VPS13D: variants seen among roughly 807,000 people sequenced by gnomAD.
VPS13D encodes intermembrane lipid transfer protein VPS13D.
In VPS13D, 187 loss-of-function variants were observed where a neutral mutation model predicts 461.9. That is an observed-to-expected ratio of 0.40 (90% CI 0.36 to 0.46). VPS13D has a LOEUF of 0.46. Among genes scored for constraint, VPS13D ranks in the 20% least tolerant of loss-of-function variants. The probability of loss-of-function intolerance (pLI) is 0.60; values close to 1 mark genes in which losing one functional copy is unlikely to be tolerated. For missense variants in VPS13D, 4,711 were observed against 5,364.9 expected, an observed-to-expected ratio of 0.88 and a Z score of 3.81; for synonymous variants, 1,951 against 1,986.3, an observed-to-expected ratio of 0.98 and a Z score of 0.47.
At position 12,509,809 on chromosome 1, in the gene VPS13D, A is replaced by T. The variant is rs571964644; in HGVS notation, c.*785A>T. 3 of 152,268 alleles carry T rather than the reference A, an allele frequency of 2.0e-5. No individual in the cohort carries two copies. The highest frequency in any genetic ancestry group is 4.4e-5 in the Non-Finnish European group (3 of 68,052). 9.4% of individuals were successfully genotyped at this position (152,268 alleles called of 1,614,324 possible). ...GGGGAAACCTGTGCTCCATTACCAC[A>T]TGGGTGCAAGTCAGCATTGTAAGTT... On this transcript the variant is annotated 3_prime_UTR_variant, in exon 70 of 70. Transcript: ENST00000620676.
chr1:12,308,857 G>A (rs1005881996), intron 27 of VPS13D, among the ~76,000 whole-genome samples: 1 of 151,908 alleles, frequency 6.6e-6, no homozygotes, highest in East Asian at 1.9e-4. Flanking sequence ...TTACCATGTT[G>A]TGGTCTTGAA....
chr1:12,446,491 ATCT>A (rs1433882706), intron 65 of VPS13D, among the ~76,000 whole-genome samples: 21 of 152,026 alleles, frequency 1.4e-4, no homozygotes, highest in African/African-American at 2.2e-4. Context: ...AACTTTCAAA[ATCT>A]TCTTTTTTTA....
At chr1:12,480,167 G>T (rs1164741615) in intron 67 of VPS13D, among the ~76,000 whole-genome samples, 1 of 152,218 alleles carries the variant, frequency 6.6e-6, no homozygotes, top group African/African-American at 2.4e-5. Context: ...CAAGTTCACA[G>T]TGTGCCAGTT....
Position 12,244,265 on chromosome 1 carries a change from C to G in VPS13D, c.195C>G (p.Thr65=). 6.2e-7 allele frequency: 1 copy of G among 1,612,760 alleles called. No individual in the cohort carries two copies. The highest frequency in any genetic ancestry group is 1.7e-4 in the Middle Eastern group (1 of 6,044). Residue 65 remains threonine (T), a synonymous_variant, in exon 4 of 70, where the codon ACC becomes ACG. Transcript: ENST00000620676. ...EVKAGFIGKV[T]LQIPFYRPHV... Reference sequence around the variant, plus strand: ...TTCCAGGCTTCATTGGGAAAGTAACCCTTCAGATTCCCTTTTATCGCCCCC... The same window carrying G: ...TTCCAGGCTTCATTGGGAAAGTAACGCTTCAGATTCCCTTTTATCGCCCCC...
intron 47 of VPS13D, among the ~76,000 whole-genome samples, chr1:12,354,615 C>A (rs1184345185): frequency 6.6e-6 from 1 of 152,164 alleles, no homozygotes; most frequent in East Asian, 1.9e-4. Context: ...TCAACAGAGC[C>A]TTTTTTCTTA....
At chr1:12,415,533 G>T (rs1302529491) in intron 64 of VPS13D, among the ~76,000 whole-genome samples, 2 of 151,278 alleles carry the variant, frequency 1.3e-5, no homozygotes, top group Admixed American at 1.3e-4. Context: ...TATTTACCAG[G>T]CATGGGCCTT....
In VPS13D at chr1:12,335,789, G is replaced by T. The variant is rs768738469; in HGVS notation, c.8513G>T (p.Trp2838Leu). ...KDIESAKSED[W>L]MGSSVDPPCF... The stretch of plus-strand genomic sequence containing the variant: ...ATAGAGTCAGCTAAATCAGAAGACT[G>T]GATGGGCTCTTCGGTGGATCCTCCA... The change falls in exon 39 of 70, where the codon TGG (tryptophan) becomes TTG (leucine). Residue 2838 changes from tryptophan (W) to leucine (L), a missense_variant. Trp to Leu is a moderately conservative substitution (Grantham distance 61). Around this residue, in one of 3 missense-constraint regions of VPS13D, gnomAD observed 4,411 missense variants for 4,937.8 expected, o/e 0.89. Coordinates refer to ENST00000620676, the MANE Select transcript of VPS13D (RefSeq NM_015378.4). 7 of 1,614,054 alleles carry T rather than the reference G, an allele frequency of 4.3e-6. No individual in the cohort carries two copies. The highest frequency in any genetic ancestry group is 1.3e-5 in the African/African-American group (1 of 74,920).
chr1:12,478,999 A>G, intron 67 of VPS13D: 6 of 421,250 alleles, frequency 1.4e-5, no homozygotes, highest in South Asian at 1.0e-4. Flanking sequence ...CCCAGGTGCT[A>G]AAACAGAGCA....
At chr1:12,346,919 T>C (rs545320303) in intron 44 of VPS13D, among the ~76,000 whole-genome samples, 97 of 152,354 alleles carry the variant, frequency 6.4e-4, no homozygotes, top group African/African-American at 2.3e-3. Flanking sequence ...CTTTTCATTC[T>C]AAGTTAAAAT....
chr1:12,485,040 G>A (rs914847498), intron 67 of VPS13D, among the ~76,000 whole-genome samples: 2 of 152,118 alleles, frequency 1.3e-5, no homozygotes, highest in African/African-American at 4.8e-5. Flanking sequence ...ATCAAATTTT[G>A]TCTGGCATGG....
At chr1:12,471,984 A>G (rs1187306031) in intron 67 of VPS13D, among the ~76,000 whole-genome samples, 1 of 152,152 alleles carries the variant, frequency 6.6e-6, no homozygotes. Flanking sequence ...TATGTGTACA[A>G]ATGCACTGAG....
At chr1:12,272,278 T>C (rs545772600) in intron 17 of VPS13D, among the ~76,000 whole-genome samples, 6 of 152,234 alleles carry the variant, frequency 3.9e-5, no homozygotes, top group South Asian at 4.1e-4. Context: ...TGAGAAAAAG[T>C]GTGGCTTCTT....
chr1:12,381,978 CTTTCTCT>C lies in VPS13D; in HGVS notation c.11191-997_11191-991del, dbSNP rs1557745701. On this transcript the variant is annotated intron_variant, in intron 57 of 69. Transcript: ENST00000620676. ...TCTTTCTTTCTTTCTTTCTTTCTTT[CTTTCTCT>C]CTCTCTCTCTCCTTCCTTCCTTTCT... Among the ~76,000 whole-genome samples the C allele has an allele frequency of 9.0e-4, 116 of 128,994 alleles. 2 individuals are homozygous for C. The highest frequency in any genetic ancestry group is 1.8e-3 in the South Asian group (7 of 3,980). 84.6% of individuals were successfully genotyped at this position (128,994 alleles called of 152,430 possible).
At chr1:12,249,848 G>A (rs1640678314) in intron 6 of VPS13D, among the ~76,000 whole-genome samples, 1 of 152,110 alleles carries the variant, frequency 6.6e-6, no homozygotes, top group African/African-American at 2.4e-5. Flanking sequence ...ACGCCAAGCA[G>A]TTCTCCACAT....
At chr1:12,325,310 A>T (rs982215144) in intron 35 of VPS13D, among the ~76,000 whole-genome samples, 1 of 151,312 alleles carries the variant, frequency 6.6e-6, no homozygotes, top group Non-Finnish European at 1.5e-5. Flanking sequence ...CCCAGGCTGG[A>T]GTGCAGTGGC....
At chr1:12,494,439 A>G (rs749929264) in intron 67 of VPS13D, among the ~76,000 whole-genome samples, 2 of 152,210 alleles carry the variant, frequency 1.3e-5, no homozygotes, top group African/African-American at 2.4e-5. Flanking sequence ...TACACTAGAA[A>G]GCTGTTTGAT....
chr1:12,332,175 A>G (rs1643349107), intron 37 of VPS13D, among the ~76,000 whole-genome samples: 1 of 152,234 alleles, frequency 6.6e-6, no homozygotes, highest in Admixed American at 6.5e-5. Flanking sequence ...AAGCATACTC[A>G]ACAACCCCGC....
intron 52 of VPS13D, 125 bp downstream of exon 52, chr1:12,363,372 CA>C: frequency 9.7e-7 from 1 of 1,035,324 alleles, no homozygotes; most frequent in South Asian, 1.7e-5. Flanking sequence ...TTAGAACTTG[CA>C]AAGTCCAGGG....
intron 22 of VPS13D, among the ~76,000 whole-genome samples, chr1:12,290,480 T>C (rs917804053): frequency 2.0e-5 from 3 of 152,266 alleles, no homozygotes; most frequent in Middle Eastern, 3.4e-3. Flanking sequence ...CCTAGCATTT[T>C]GGGAGGCCAA....
Sources: gnomAD v4.1 joint callset for allele counts (sites outside exome capture counted in the v4.1 genomes callset) on GRCh38, gnomAD v4.1.1 for gene constraint, gnomAD v4.1.1 regional missense constraint, MANE v1.5 for transcripts, NCBI Gene and HGNC (gene_info 2026-07-23, HGNC 2026-07-21) for gene names.